ATG2A: variants seen among roughly 807,000 people sequenced by gnomAD.
The protein encoded by ATG2A is autophagy related 2A, also known as autophagy-related protein 2 homolog A.
In ATG2A, 103 loss-of-function variants were observed where a neutral mutation model predicts 214.2. The observed-to-expected ratio is 0.48, with a 90% CI of 0.41 to 0.57. The LOEUF is 0.57. Among genes scored for constraint, ATG2A ranks in the 20% least tolerant of loss-of-function variants. The pLI, the probability that ATG2A is intolerant of heterozygous loss-of-function variation, is 0.00. For missense variants in ATG2A, 2,312 were observed against 2,613.2 expected (o/e 0.88, Z 2.51); for synonymous variants, 1,160 against 1,142.1 (o/e 1.02, Z -0.32).
At chr11:64,915,537 G>C (rs113914069) in intron 1 of ATG2A, among the ~76,000 whole-genome samples, 1 of 152,086 alleles carries the variant, frequency 6.6e-6, no homozygotes, top group Non-Finnish European at 1.5e-5. Context: ...CCTTCAAGGC[G>C]GGGCCTGCAG....
At chr11:64,900,682 C>G (rs565342747) in intron 30 of ATG2A, 53 bp from the exon 31 acceptor site, 1 of 1,521,110 alleles carries the variant, frequency 6.6e-7, no homozygotes, top group South Asian at 1.3e-5. Context: ...ATTCCCTCCC[C>G]GTCCTCAGCG....
At position 64,907,610 on chromosome 11, in the gene ATG2A, G is replaced by T. The variant is rs951536226; in HGVS notation, c.2562C>A (p.Asp854Glu). Residue 854 changes from aspartate (D) to glutamate (E), a missense_variant, in exon 18 of 41, where the codon GAC becomes GAA. Coordinates refer to ENST00000377264, the MANE Select transcript of ATG2A (RefSeq NM_015104.3). ...WEPADLLPTP[D>E]PAAQPSGFPG... ...GGAAGCCCGAGGGCTGGGCGGCGGG[G>T]TCGGGGGTGGGAAGCAGATCTGCAG... 1.4e-6 allele frequency: 2 copies of T among 1,472,238 alleles called. No individual in the cohort carries two copies. The highest frequency in any genetic ancestry group is 1.8e-6 in the Non-Finnish European group (2 of 1,082,602). The allele number at this position is 1,472,238 out of a possible 1,614,324, so 91.2% of individuals were successfully genotyped here.
Position 64,897,918 on chromosome 11 carries a change from C to A in ATG2A, c.4915G>T (p.Val1639Leu). Residue 1639 changes from valine (V) to leucine (L), a missense_variant, in exon 35 of 41, where the codon GTA (valine) becomes TTA (leucine). Val to Leu is a conservative substitution (Grantham distance 32). Transcript: ENST00000377264. ...GCCTCCTGCGAACCAGTGGTCTCTA[C>A]GCCTTCGGCCTGCCCTTCCAGGGGG... Reference protein sequence around the residue: ...SSPLEGQAEGVETTGSQEAPG... With the variant: ...SSPLEGQAEGLETTGSQEAPG... 1.3e-6 allele frequency: 2 copies of A among 1,553,698 alleles called. No individual in the cohort carries two copies. Among genetic ancestry groups the A allele is most frequent in the East Asian group, 2.3e-5 (1 of 44,430 alleles).
intron 11 of ATG2A, 33 bp from the exon 12 acceptor site, chr11:64,910,741 G>C (rs1944738347): frequency 1.2e-6 from 2 of 1,610,086 alleles, no homozygotes; most frequent in Non-Finnish European, 1.7e-6. Flanking sequence ...CACAGGGTCA[G>C]GCCTGGCCCC....
At chr11:64,911,420 G>A in intron 9 of ATG2A, 145 bp from the exon 10 acceptor site, 1 of 803,328 alleles carries the variant, frequency 1.2e-6, no homozygotes, top group East Asian at 2.6e-5. Context: ...AGGCAGGGGT[G>A]ACACTGGTGC....
chr11:64,909,506 CACCCT>C (rs1337226604), intron 14 of ATG2A, 139 bp from the exon 15 acceptor site: 1 of 1,397,036 alleles, frequency 7.2e-7, no homozygotes, highest in East Asian at 2.3e-5. Context: ...ACAAAGGGTC[CACCCT>C]ACTTGTCGGT....
In ATG2A at chr11:64,895,319, C is replaced by T. The variant is rs1944111358; in HGVS notation, c.5551G>A (p.Val1851Met). 1 of 1,613,310 alleles carries T rather than the reference C, an allele frequency of 6.2e-7. No individual in the cohort carries two copies. Among genetic ancestry groups the T allele is most frequent in the Admixed American group, 1.7e-5 (1 of 59,994 alleles). The change falls in exon 40 of 41, where the codon GTG (valine) becomes ATG (methionine). Residue 1851 changes from valine to methionine, a missense_variant. Coordinates refer to ENST00000377264, the MANE Select transcript of ATG2A (RefSeq NM_015104.3). This position sits in a 1 kb window ranked among gnomAD's most constrained non-coding sequence, Gnocchi z 5.0. ...CGCACTGTGTCGTAGGCCTTGGCCA[C>T]ACCCTCCCGCAGGTCGGCAGGCTGC... ...GQQPADLREG[V>M]AKAYDTVREG...
chr11:64,903,624 G>C lies in ATG2A; in HGVS notation c.3501C>G (p.Asp1167Glu). The change falls in exon 25 of 41, where the codon GAC (aspartate) becomes GAG (glutamate). Residue 1167 changes from aspartate (D) to glutamate (E), a missense_variant. Asp to Glu is a conservative substitution (Grantham distance 45). Coordinates refer to ENST00000377264, the MANE Select transcript of ATG2A (RefSeq NM_015104.3). This position sits in a 1 kb window ranked among gnomAD's most constrained non-coding sequence, Gnocchi z 4.2. ...GGTCCAGGGTCTCCACCTCACACTT[G>C]TCGGACAGGTACAAGGCGGAGTCAT... ...ILDDSALYLS[D>E]KCEVETLDLR... 6.5e-7 allele frequency: 1 copy of C among 1,550,168 alleles called. No homozygotes were observed. Among genetic ancestry groups the C allele is most frequent in the Non-Finnish European group, 8.7e-7 (1 of 1,146,640 alleles).
chr11:64,901,047 T>C lies in ATG2A; in HGVS notation c.4165A>G (p.Ile1389Val). 6.3e-7 allele frequency: 1 copy of C among 1,585,020 alleles called. No individual in the cohort carries two copies. Among genetic ancestry groups the C allele is most frequent in the East Asian group, 2.3e-5 (1 of 43,180 alleles). The change falls in exon 30 of 41, where the codon ATC becomes GTC. Residue 1389 changes from isoleucine to valine, a missense_variant. Physicochemically the swap from Ile to Val is conservative, Grantham distance 29 (BLOSUM62 3). Coordinates refer to ENST00000377264, the MANE Select transcript of ATG2A (RefSeq NM_015104.3). ...GAGAAGTAACCGTCCCTCACAACGA[T>C]GGGGCCGGGATGCAGCTGTGTCACC... ...PVVTQLHPGP[I>V]VVRDGYFSRP...
In ATG2A at chr11:64,903,679, G is replaced by A; in HGVS notation, c.3465-19C>T. 1.9e-6 allele frequency: 3 copies of A among 1,546,806 alleles called. No homozygotes were observed. The highest frequency in any genetic ancestry group is 2.6e-6 in the Non-Finnish European group (3 of 1,144,396). On this transcript the variant is annotated intron_variant, in intron 24 of 40. Coordinates refer to ENST00000377264, the MANE Select transcript of ATG2A (RefSeq NM_015104.3). This position sits in a 1 kb window ranked among gnomAD's most constrained non-coding sequence, Gnocchi z 4.2. ...GATGAACCTGGGGGGGAACAGGGCTGAGAAGGGCCCGGGCACCGCTGCAGG... is the reference window on the plus strand; with the variant it reads ...GATGAACCTGGGGGGGAACAGGGCTAAGAAGGGCCCGGGCACCGCTGCAGG...
chr11:64,913,806 T>A lies in ATG2A; in HGVS notation c.590+15A>T, dbSNP rs753549199. 2.5e-6 allele frequency: 4 copies of A among 1,610,528 alleles called. No homozygotes were observed. In the Admixed American group the frequency reaches 5.0e-5, roughly 20 times the overall value. On this transcript the variant is annotated intron_variant, in intron 4 of 40. Coordinates refer to ENST00000377264, the MANE Select transcript of ATG2A (RefSeq NM_015104.3). This position sits in a 1 kb window ranked among gnomAD's most constrained non-coding sequence, Gnocchi z 4.3. The stretch of plus-strand genomic sequence containing the variant: ...CATCTTCACACCAGTCCACCCCAGA[T>A]CGGCCTGCCCTTACCTCTGCACACG...
Position 64,902,398 on chromosome 11 carries a change from AG to A in ATG2A, c.3778-13del. 2 of 1,552,620 alleles carry A rather than the reference AG, an allele frequency of 1.3e-6. No homozygotes were observed. Among genetic ancestry groups the A allele is most frequent in the Non-Finnish European group, 1.7e-6 (2 of 1,148,554 alleles). Reference sequence around the variant, plus strand: ...GGACTCTCCGAGAGCTGGGCCAGGCAGGGGAGGAGCAATGAGTGAGACAGGA... The same window carrying A: ...GGACTCTCCGAGAGCTGGGCCAGGCAGGGAGGAGCAATGAGTGAGACAGGA... On this transcript the variant is annotated splice_polypyrimidine_tract_variant and intron_variant, in intron 27 of 40. Transcript: ENST00000377264.
At chr11:64,912,967 A>G (rs2136638029) in intron 6 of ATG2A, 71 bp downstream of exon 6, 1 of 1,130,472 alleles carries the variant, frequency 8.8e-7, no homozygotes, top group Admixed American at 2.9e-5. Context: ...GCTGTAGATA[A>G]TCAGCCTTGC....
intron 29 of ATG2A, 140 bp downstream of exon 29, chr11:64,901,822 G>A (rs1160222129): frequency 6.3e-6 from 6 of 945,282 alleles, no homozygotes; most frequent in Admixed American, 4.2e-5. Flanking sequence ...CACCACCCCC[G>A]AGGTGATGGC....
intron 24 of ATG2A, among the ~76,000 whole-genome samples, chr11:64,905,055 CAT>C (rs1944493965): frequency 6.6e-6 from 1 of 152,164 alleles, no homozygotes; most frequent in South Asian, 2.1e-4. Flanking sequence ...GGGGTTTCAC[CAT>C]ATTGGCCAGG....
rs370246769 is a variant in ATG2A at position 64,910,167 on chromosome 11, T to C, written c.1736A>G (p.His579Arg). ...GTCCAGGGCCAGTTCTGAGTGGCAATGGCAGGCAACTGAGCGCCGGGGTCG... is the reference window on the plus strand; with the variant it reads ...GTCCAGGGCCAGTTCTGAGTGGCAACGGCAGGCAACTGAGCGCCGGGGTCG... ...KSRPRRSVAC[H>R]CHSELALDLA... Residue 579 changes from histidine to arginine, a missense_variant, in exon 13 of 41, where the codon CAT (histidine) becomes CGT (arginine). By Grantham distance (29) the His-to-Arg change is conservative. Transcript: ENST00000377264. The C allele has an allele frequency of 1.2e-6, 2 of 1,608,620 alleles. No individual in the cohort carries two copies. The highest frequency in any genetic ancestry group is 2.2e-5 in the East Asian group (1 of 44,846).
intron 30 of ATG2A, 88 bp from the exon 31 acceptor site, chr11:64,900,717 C>T: frequency 6.8e-7 from 1 of 1,460,412 alleles, no homozygotes. Flanking sequence ...GGACAAGAGA[C>T]CCCCGCTAGC....
At position 64,902,343 on chromosome 11, in the gene ATG2A, T is replaced by C. The variant is rs1268427384; in HGVS notation, c.3821A>G (p.Glu1274Gly). 3 of 1,606,576 alleles carry C rather than the reference T, an allele frequency of 1.9e-6. No individual in the cohort carries two copies. The highest frequency in any genetic ancestry group is 1.3e-5 in the African/African-American group (1 of 74,860). Residue 1274 changes from glutamate (E) to glycine (G), a missense_variant, in exon 28 of 41, where the codon GAG becomes GGG. Physicochemically the swap from Glu to Gly is moderately conservative, Grantham distance 98. Coordinates refer to ENST00000377264, the MANE Select transcript of ATG2A (RefSeq NM_015104.3). ...PASLPSCPPV[E>G]TALINQRDLA... is the part of the protein sequence containing the mutation. ...GTCACGCTGGTTGATGAGGGCCGTC[T>C]CCACTGGGGGGCACGAGGGCAGAGA...
In ATG2A at chr11:64,898,545, C is replaced by A; in HGVS notation, c.4671+91G>T. ...CAACCTGGGTGTTTGTGTGGGAATG[C>A]GTGTATGTGTGTGAATCCATGCATG... On this transcript the variant is annotated intron_variant, in intron 32 of 40. Transcript: ENST00000377264. This position sits in a 1 kb window ranked among gnomAD's most constrained non-coding sequence, Gnocchi z 4.5. 2.0e-6 allele frequency: 3 copies of A among 1,467,436 alleles called. No individual in the cohort carries two copies. The highest frequency in any genetic ancestry group is 2.4e-5 in the South Asian group (2 of 83,596). 90.9% of individuals were successfully genotyped at this position (1,467,436 alleles called of 1,614,324 possible). A position where few individuals can be genotyped will look rare whatever the true frequency, so the allele number is the denominator to read the frequency against.
Sources: gnomAD v4.1 joint callset for allele counts (sites outside exome capture counted in the v4.1 genomes callset) on GRCh38, gnomAD v4.1.1 for gene constraint, Gnocchi (gnomAD v3.1) non-coding constraint, MANE v1.5 for transcripts, NCBI Gene and HGNC (gene_info 2026-07-23, HGNC 2026-07-21) for gene names.